KALRN: variants seen among roughly 807,000 people sequenced by gnomAD.
The protein encoded by KALRN is kalirin RhoGEF kinase, also known as kalirin.
Under a neutral mutation model 353.7 loss-of-function variants are expected in KALRN, and 70 were observed. The ratio of observed to expected loss-of-function variants is 0.20; its 90% CI spans 0.16 to 0.24. KALRN has a LOEUF of 0.24. Among genes scored for constraint, KALRN ranks in the 10% least tolerant of loss-of-function variants. The probability of loss-of-function intolerance (pLI) is 1.00; values close to 1 mark genes in which losing one functional copy is unlikely to be tolerated. For synonymous variants in KALRN, 1,391 were observed against 1,434.8 expected (o/e 0.97, Z 0.69); for missense variants, 2,791 against 3,756.7 (o/e 0.74, Z 6.72).
In KALRN at chr3:124,655,653, G is replaced by A; in HGVS notation, c.5848G>A (p.Gly1950Ser). The A allele has an allele frequency of 1.2e-6, 2 of 1,614,050 alleles. No homozygotes were observed. The highest frequency in any genetic ancestry group is 1.7e-6 in the Non-Finnish European group (2 of 1,179,902). Residue 1950 changes from glycine (G) to serine (S), a missense_variant, in exon 39 of 60, where the codon GGC (glycine) becomes AGC (serine). Physicochemically the swap from Gly to Ser is moderately conservative, Grantham distance 56. Around this residue, in one of 11 missense-constraint regions of KALRN, gnomAD observed 1,065 missense variants for 1,156.4 expected, o/e 0.92. Transcript: ENST00000682506. ...AGAGAAAGACTATGTCAAGGATCTG[G>A]GCATTGTGGTGGAGGTAAGTAGAGG... ...QTEKDYVKDL[G>S]IVVEGFMKRI...
At chr3:124,062,065 TA>T (rs1311035155) in intron 1 of KALRN, among the ~76,000 whole-genome samples, 1 of 152,126 alleles carries the variant, frequency 6.6e-6, no homozygotes, top group African/African-American at 2.4e-5. Context: ...ATCTGCATAT[TA>T]AAAAAAGCCT....
At chr3:124,183,259 G>A (rs1294493539) in intron 1 of KALRN, among the ~76,000 whole-genome samples, 1 of 152,144 alleles carries the variant, frequency 6.6e-6, no homozygotes, top group Non-Finnish European at 1.5e-5. Context: ...TAAGAAAGGA[G>A]GTTTAATTGG....
At chr3:124,530,180 CA>C (rs2067922744) in intron 33 of KALRN, among the ~76,000 whole-genome samples, 1 of 151,948 alleles carries the variant, frequency 6.6e-6, no homozygotes, top group Non-Finnish European at 1.5e-5. Flanking sequence ...AGGACTGTTC[CA>C]AAAATACATA....
At chr3:124,213,362 A>T (rs1286374352) in intron 1 of KALRN, among the ~76,000 whole-genome samples, 1 of 152,156 alleles carries the variant, frequency 6.6e-6, no homozygotes, top group African/African-American at 2.4e-5. Context: ...ATTTTAAAAT[A>T]TGCCAGATCT....
chr3:124,071,603 G>T (rs1428275661), intron 1 of KALRN, among the ~76,000 whole-genome samples: 1 of 152,186 alleles, frequency 6.6e-6, no homozygotes, highest in Admixed American at 6.5e-5. Context: ...TCAAGGAGGT[G>T]GCAGGTTTGT....
intron 1 of KALRN, among the ~76,000 whole-genome samples, chr3:124,058,850 AT>A (rs2041776530): frequency 6.6e-6 from 1 of 152,126 alleles, no homozygotes; most frequent in Non-Finnish European, 1.5e-5. Flanking sequence ...ATTTGTATAT[AT>A]TTTTAAAAAA....
chr3:124,403,348 G>A (rs916502138), intron 13 of KALRN, among the ~76,000 whole-genome samples: 12 of 152,136 alleles, frequency 7.9e-5, no homozygotes, highest in Non-Finnish European at 2.9e-5. Flanking sequence ...ATAATTTGGG[G>A]CATTTTCTGA....
chr3:124,500,292 C>T (rs1334500138), intron 33 of KALRN, among the ~76,000 whole-genome samples: 1 of 152,156 alleles, frequency 6.6e-6, no homozygotes, highest in Non-Finnish European at 1.5e-5. Flanking sequence ...TACAAATTAT[C>T]TTGTCCAGTG....
chr3:124,366,948 T>G (rs1266127889), intron 10 of KALRN, among the ~76,000 whole-genome samples: 3 of 134,270 alleles, frequency 2.2e-5, no homozygotes, highest in African/African-American at 8.8e-5. Flanking sequence ...CACTTCCCAG[T>G]AGGGGTGGCC....
chr3:124,425,141 A>G (rs1250469589), intron 15 of KALRN, among the ~76,000 whole-genome samples: 3 of 152,092 alleles, frequency 2.0e-5, no homozygotes, highest in Non-Finnish European at 4.4e-5. Flanking sequence ...AGGGGAGGGG[A>G]GGATAAAGAG....
chr3:124,133,476 G>A lies in KALRN; in HGVS notation c.74-94514G>A, dbSNP rs551175091. Among the ~76,000 whole-genome samples, 35 of 152,318 alleles carry A rather than the reference G, an allele frequency of 2.3e-4. No individual in the cohort carries two copies. In the South Asian group the frequency reaches 6.0e-3, roughly 26 times the overall value. On this transcript the variant is annotated intron_variant, in intron 1 of 59. Coordinates refer to ENST00000682506, the MANE Select transcript of KALRN (RefSeq NM_001388419.1). The stretch of plus-strand genomic sequence containing the variant: ...TCTGCTAGAATAAGCACAGAGCCCC[G>A]GAGGTAGCTAACAAGGACAGCCCTC...
intron 3 of KALRN, among the ~76,000 whole-genome samples, chr3:124,254,453 G>A (rs1013034613): frequency 1.4e-5 from 2 of 139,804 alleles, no homozygotes; most frequent in African/African-American, 2.7e-5. Flanking sequence ...AAAAAAAATT[G>A]TAGTTTTATG....
chr3:124,702,196 A>T, intron 57 of KALRN, 80 bp downstream of exon 57: 1 of 845,550 alleles, frequency 1.2e-6, no homozygotes, highest in Non-Finnish European at 1.9e-6. Context: ...TGTTGTTGTC[A>T]TTGTTTATTT....
intron 5 of KALRN, 62 bp downstream of exon 5, chr3:124,269,317 C>T (rs1031233494): frequency 4.0e-6 from 6 of 1,485,284 alleles, no homozygotes; most frequent in Admixed American, 4.5e-5. Context: ...GGTTGCTCAT[C>T]CAACTTTCTG....
intron 1 of KALRN, among the ~76,000 whole-genome samples, chr3:124,190,261 G>A (rs1361757147): frequency 6.6e-6 from 1 of 152,162 alleles, no homozygotes; most frequent in Non-Finnish European, 1.5e-5. Flanking sequence ...TCGTATGGCT[G>A]GCCCCCCACT....
intron 15 of KALRN, among the ~76,000 whole-genome samples, chr3:124,424,342 T>C (rs2092923314): frequency 6.6e-6 from 1 of 152,228 alleles, no homozygotes; most frequent in Non-Finnish European, 1.5e-5. Context: ...CTGAAACTTT[T>C]GGAATTAAGC....
intron 5 of KALRN, among the ~76,000 whole-genome samples, chr3:124,285,693 G>A (rs1329098196): frequency 1.3e-5 from 2 of 152,004 alleles, no homozygotes; most frequent in Non-Finnish European, 2.9e-5. Context: ...ACGCCACCAT[G>A]CCTGGCTAAT....
chr3:124,137,177 A>G (rs920236177), intron 1 of KALRN, among the ~76,000 whole-genome samples: 15 of 152,214 alleles, frequency 9.9e-5, no homozygotes, highest in African/African-American at 3.4e-4. Context: ...TGAACAATGC[A>G]TTTAAAAAAT....
intron 37 of KALRN, 101 bp downstream of exon 37, chr3:124,637,404 C>A: frequency 1.2e-6 from 1 of 866,308 alleles, no homozygotes; most frequent in Non-Finnish European, 2.0e-6. Context: ...TGTCCTCATT[C>A]TTCCTATGTG....
Sources: allele counts gnomAD v4.1 joint callset (sites outside exome capture counted in the v4.1 genomes callset), GRCh38; gene constraint gnomAD v4.1.1; regional missense constraint gnomAD v4.1.1; transcripts MANE v1.5; gene names NCBI Gene and HGNC (gene_info 2026-07-23, HGNC 2026-07-21).